PRKN: variants seen among roughly 807,000 people sequenced by gnomAD.
PRKN encodes the protein E3 ubiquitin-protein ligase parkin.
In PRKN, 56 loss-of-function variants were observed where a neutral mutation model predicts 59.5. That is an observed-to-expected ratio of 0.94 (90% CI 0.76 to 1.18). The LOEUF (loss-of-function observed/expected upper bound fraction) is 1.18, where lower values mean the gene tolerates loss of function less well. PRKN is among the 50% of genes most tolerant of loss of function. The probability of loss-of-function intolerance (pLI) is 0.00; values close to 1 mark genes in which losing one functional copy is unlikely to be tolerated. For synonymous variants in PRKN, 250 were observed against 222.1 expected, an observed-to-expected ratio of 1.13 and a Z score of -1.12; for missense variants, 657 against 596.4, an observed-to-expected ratio of 1.10 and a Z score of -1.06.
rs1388999498 is a variant in PRKN at position 161,391,733 on chromosome 6, G to A, written c.1084-4856C>T. Among the ~76,000 whole-genome samples, 1 of 151,998 alleles carries A rather than the reference G, an allele frequency of 6.6e-6. No homozygotes were observed. The highest frequency in any genetic ancestry group is 2.4e-5 in the African/African-American group (1 of 41,334). ...AGAGATTATCCTAGATAACCTGAAGGGGGCTGATTCAATCTGTGGAAAGGC... is the reference window on the plus strand; with the variant it reads ...AGAGATTATCCTAGATAACCTGAAGAGGGCTGATTCAATCTGTGGAAAGGC... On this transcript the variant is annotated intron_variant, in intron 9 of 11. Transcript: ENST00000366898. This position sits in a 1 kb window ranked among gnomAD's most constrained non-coding sequence, Gnocchi z 4.9.
In PRKN at chr6:162,640,954, T is replaced by C. The variant is rs1394027711; in HGVS notation, c.7+86708A>G. 3.9e-5 allele frequency among the ~76,000 whole-genome samples: 6 copies of C among 152,156 alleles called. No homozygotes were observed. The South Asian group carries it at 8.3e-4, about 21-fold the overall frequency. The stretch of plus-strand genomic sequence containing the variant: ...CGAAGGTCATATTCCAGGAACAGTA[T>C]TATCACAGCAGGCAAGAGTAAATTT... On this transcript the variant is annotated intron_variant, in intron 1 of 11. Transcript: ENST00000366898.
rs1221442695 is a variant in PRKN at position 161,502,983 on chromosome 6, G to A, written c.1083+45871C>T. 6.6e-6 allele frequency among the ~76,000 whole-genome samples: 1 copy of A among 152,184 alleles called. No individual in the cohort carries two copies. The highest frequency in any genetic ancestry group is 1.9e-4 in the East Asian group (1 of 5,200). On this transcript the variant is annotated intron_variant, in intron 9 of 11. Coordinates refer to ENST00000366898, the MANE Select transcript of PRKN (RefSeq NM_004562.3). The surrounding 1 kb of genome is among the most constrained non-coding windows in gnomAD (Gnocchi z 4.0). The stretch of plus-strand genomic sequence containing the variant: ...TTCATGCATTTGTGGCAAGGATTGA[G>A]TTAGATGATACATATCCAATGTTAA...
At chr6:161,787,175 C>A (rs1790453624) in intron 6 of PRKN, among the ~76,000 whole-genome samples, 1 of 152,226 alleles carries the variant, frequency 6.6e-6, no homozygotes, top group South Asian at 2.1e-4. Context: ...ATGAATAATA[C>A]TAATAATATA....
chr6:161,990,297 G>T (rs957084207), intron 5 of PRKN, among the ~76,000 whole-genome samples: 8 of 152,172 alleles, frequency 5.3e-5, no homozygotes, highest in Non-Finnish European at 1.2e-4. Context: ...TACAGCTGAA[G>T]AAATCATTGA....
intron 6 of PRKN, among the ~76,000 whole-genome samples, chr6:161,855,758 T>C (rs961130165): frequency 7.9e-5 from 12 of 152,224 alleles, no homozygotes; most frequent in Non-Finnish European, 1.8e-4. Context: ...ATGAGACTAA[T>C]ATCTTGTTAC....
At chr6:162,469,339 G>C (rs76056852) in intron 1 of PRKN, among the ~76,000 whole-genome samples, 2 of 132,306 alleles carry the variant, frequency 1.5e-5, no homozygotes, top group African/African-American at 2.8e-5. Flanking sequence ...TTAAGAAAGT[G>C]GGGGGGTTGC....
chr6:161,549,303 G>GCTTC lies in PRKN; in HGVS notation c.934-304_934-301dup, dbSNP rs1779915764. 6.6e-6 allele frequency among the ~76,000 whole-genome samples: 1 copy of GCTTC among 151,936 alleles called. No individual in the cohort carries two copies. On this transcript the variant is annotated intron_variant, in intron 8 of 11. Coordinates refer to ENST00000366898, the MANE Select transcript of PRKN (RefSeq NM_004562.3). The surrounding 1 kb of genome is among the most constrained non-coding windows in gnomAD (Gnocchi z 6.0). Reference sequence around the variant, plus strand: ...CCAAAGTTTTGTATTTTATAAGATCGCTTCTACCAACTGTATTTTAACAAT... The same window carrying GCTTC: ...CCAAAGTTTTGTATTTTATAAGATCGCTTCCTTCTACCAACTGTATTTTAACAAT...
intron 1 of PRKN, among the ~76,000 whole-genome samples, chr6:162,640,054 T>C (rs1042525979): frequency 3.3e-5 from 5 of 152,138 alleles, no homozygotes; most frequent in Admixed American, 2.0e-4. Context: ...TCTTCTCTTC[T>C]TGATGACTTC....
intron 2 of PRKN, among the ~76,000 whole-genome samples, chr6:162,335,757 A>G (rs1783816444): frequency 1.3e-5 from 2 of 151,880 alleles, no homozygotes; most frequent in South Asian, 4.2e-4. Flanking sequence ...TCACCCTTCT[A>G]CACAGTTCAA....
chr6:162,473,482 A>G (rs1027362334), intron 1 of PRKN, among the ~76,000 whole-genome samples: 6 of 152,160 alleles, frequency 3.9e-5, no homozygotes, highest in African/African-American at 1.4e-4. Context: ...GTGCTGCCCA[A>G]TAGAAGGACT....
intron 6 of PRKN, among the ~76,000 whole-genome samples, chr6:161,835,517 T>A (rs1792713336): frequency 6.6e-6 from 1 of 152,208 alleles, no homozygotes. Flanking sequence ...TCTATTCTGC[T>A]TAGACTAATA....
At chr6:162,636,615 G>C (rs558150904) in intron 1 of PRKN, among the ~76,000 whole-genome samples, 1 of 152,298 alleles carries the variant, frequency 6.6e-6, no homozygotes, top group South Asian at 2.1e-4. Context: ...ACAACCAAGA[G>C]ACAGTGACTT....
intron 2 of PRKN, among the ~76,000 whole-genome samples, chr6:162,390,944 G>T (rs925715061): frequency 6.6e-6 from 1 of 152,142 alleles, no homozygotes; most frequent in African/African-American, 2.4e-5. Context: ...CTTAACGTAA[G>T]TCAAATATTT....
At chr6:162,581,633 C>T (rs570140139) in intron 1 of PRKN, among the ~76,000 whole-genome samples, 24 of 152,122 alleles carry the variant, frequency 1.6e-4, no homozygotes, top group Non-Finnish European at 3.1e-4. Context: ...TAGTGACAGG[C>T]GACTGTAATC....
intron 2 of PRKN, among the ~76,000 whole-genome samples, chr6:162,421,805 A>G (rs1788982976): frequency 6.6e-6 from 1 of 152,240 alleles, no homozygotes; most frequent in African/African-American, 2.4e-5. Context: ...AACTATTAAT[A>G]TAATGCAATA....
rs1485041930 is a variant in PRKN, at chr6:161,372,231, C to T, written c.1168-12026G>A. On this transcript the variant is annotated intron_variant, in intron 10 of 11. Transcript: ENST00000366898. This position sits in a 1 kb window ranked among gnomAD's most constrained non-coding sequence, Gnocchi z 4.2. ...CAAGTTGACATATGGGAAAAATCTA[C>T]ACTTGAGCTAGAAAATATGCTGATT... 6.6e-6 allele frequency among the ~76,000 whole-genome samples: 1 copy of T among 152,164 alleles called. No individual in the cohort carries two copies. Among genetic ancestry groups the T allele is most frequent in the Non-Finnish European group, 1.5e-5 (1 of 68,028 alleles).
At chr6:161,653,321 G>A (rs1356822425) in intron 7 of PRKN, among the ~76,000 whole-genome samples, 3 of 152,132 alleles carry the variant, frequency 2.0e-5, no homozygotes, top group Non-Finnish European at 2.9e-5. Context: ...CCGAGATCAC[G>A]CCACTGCACT....
intron 7 of PRKN, among the ~76,000 whole-genome samples, chr6:161,618,112 T>C (rs1392330162): frequency 6.6e-6 from 1 of 152,376 alleles, no homozygotes; most frequent in East Asian, 1.9e-4. Context: ...TTAATCAATG[T>C]TACTTTGGAT....
At chr6:161,441,474 G>A (rs890253071) in intron 9 of PRKN, among the ~76,000 whole-genome samples, 3 of 151,882 alleles carry the variant, frequency 2.0e-5, no homozygotes, top group South Asian at 2.1e-4. Flanking sequence ...GTGAAACCCC[G>A]TATCTACTAA....
Sources: gnomAD v4.1 joint callset for allele counts (sites outside exome capture counted in the v4.1 genomes callset) on GRCh38, gnomAD v4.1.1 for gene constraint, Gnocchi (gnomAD v3.1) non-coding constraint, MANE v1.5 for transcripts, NCBI Gene and HGNC (gene_info 2026-07-23, HGNC 2026-07-21) for gene names.